EPB41: variants seen among roughly 807,000 people sequenced by gnomAD.
EPB41 encodes protein 4.1.
In EPB41, 65 loss-of-function variants were observed where a neutral mutation model predicts 108.0. The observed-to-expected ratio is 0.60, with a 90% CI of 0.49 to 0.74. The LOEUF (loss-of-function observed/expected upper bound fraction) is 0.74, where lower values mean the gene tolerates loss of function less well. Among genes scored for constraint, EPB41 ranks in the 30% least tolerant of loss-of-function variants. EPB41 has a pLI of 0.00. For missense variants in EPB41, 875 were observed against 1,037.0 expected (o/e 0.84, Z 2.15); for synonymous variants, 336 against 358.9 (o/e 0.94, Z 0.72).
At chr1:28,896,203 GA>G (rs1362632732) in intron 1 of EPB41, among the ~76,000 whole-genome samples, 3 of 152,222 alleles carry the variant, frequency 2.0e-5, no homozygotes, top group Non-Finnish European at 2.9e-5. Flanking sequence ...GGCACATGGT[GA>G]GCATTCAACA....
intron 1 of EPB41, among the ~76,000 whole-genome samples, chr1:28,897,245 G>A (rs945208123): frequency 1.6e-4 from 24 of 151,998 alleles, no homozygotes; most frequent in African/African-American, 5.6e-4. Flanking sequence ...GTGTTACTGA[G>A]TGTCTGTGCC....
intron 12 of EPB41, among the ~76,000 whole-genome samples, chr1:29,058,363 T>C (rs1240424424): frequency 6.6e-6 from 1 of 152,194 alleles, no homozygotes; most frequent in Non-Finnish European, 1.5e-5. Flanking sequence ...TTTGATAATT[T>C]GGATATCCAT....
At chr1:28,968,210 A>G (rs1168668954) in intron 1 of EPB41, among the ~76,000 whole-genome samples, 1 of 151,810 alleles carries the variant, frequency 6.6e-6, no homozygotes, top group Non-Finnish European at 1.5e-5. Context: ...TGCAAAAATT[A>G]CCTGGGTGTG....
intron 1 of EPB41, among the ~76,000 whole-genome samples, chr1:28,908,889 C>T (rs937247590): frequency 2.0e-5 from 3 of 151,220 alleles, no homozygotes; most frequent in Admixed American, 6.6e-5. Context: ...TAGGCTGAGC[C>T]TGGTGGCTCA....
intron 16 of EPB41, among the ~76,000 whole-genome samples, chr1:29,086,349 C>T (rs1450386275): frequency 6.6e-6 from 1 of 150,720 alleles, no homozygotes; most frequent in Non-Finnish European, 1.5e-5. Context: ...TCTCGGCTCA[C>T]TGCAACCTCC....
chr1:29,088,782 T>C (rs1660172471), intron 16 of EPB41, among the ~76,000 whole-genome samples: 1 of 152,050 alleles, frequency 6.6e-6, no homozygotes, highest in Admixed American at 6.6e-5. Flanking sequence ...AAAGTTAAAG[T>C]CGGGTTTGCT....
chr1:29,014,683 A>G (rs555915696), intron 5 of EPB41, among the ~76,000 whole-genome samples: 1 of 152,268 alleles, frequency 6.6e-6, no homozygotes, highest in South Asian at 2.1e-4. Context: ...CTCCCTTCTC[A>G]GTCTTCAAAG....
At chr1:28,915,978 G>T (rs1373413509) in intron 1 of EPB41, among the ~76,000 whole-genome samples, 1 of 151,978 alleles carries the variant, frequency 6.6e-6, no homozygotes. Flanking sequence ...TATATAGCCC[G>T]TATATGTTTC....
In EPB41 at chr1:29,117,527, T is replaced by G. The variant is rs1671208519; in HGVS notation, c.*715T>G. 2 of 152,666 alleles carry G rather than the reference T, an allele frequency of 1.3e-5. No individual in the cohort carries two copies. The highest frequency in any genetic ancestry group is 2.4e-5 in the African/African-American group (1 of 41,468). 9.5% of individuals were successfully genotyped at this position (152,666 alleles called of 1,614,324 possible). On this transcript the variant is annotated 3_prime_UTR_variant, in exon 21 of 21. Coordinates refer to ENST00000343067, the MANE Select transcript of EPB41 (RefSeq NM_001376013.1). ...TCAGATATCTGATACTGTGAATGTTTGAACATATCCGTGGCCTTCACCTCT... is the reference window on the plus strand; with the variant it reads ...TCAGATATCTGATACTGTGAATGTTGGAACATATCCGTGGCCTTCACCTCT...
intron 16 of EPB41, among the ~76,000 whole-genome samples, chr1:29,087,834 CA>C (rs1659720936): frequency 6.6e-6 from 1 of 152,002 alleles, no homozygotes. Flanking sequence ...TTCCCCAAAA[CA>C]AAGAAAATAC....
At chr1:28,898,248 G>T (rs765509138) in intron 1 of EPB41, among the ~76,000 whole-genome samples, 5 of 152,030 alleles carry the variant, frequency 3.3e-5, no homozygotes, top group Non-Finnish European at 7.4e-5. Context: ...TGCCTGTTCT[G>T]CTCAGAGAGA....
At chr1:28,907,225 C>T (rs111596377) in intron 1 of EPB41, among the ~76,000 whole-genome samples, 16,318 of 151,764 alleles carry the variant, frequency 0.11, 1,172 homozygotes, top group East Asian at 0.37. Flanking sequence ...CGACCACACC[C>T]GGCTGATATT....
At chr1:28,996,454 A>G (rs889764855) in intron 3 of EPB41, among the ~76,000 whole-genome samples, 5 of 152,206 alleles carry the variant, frequency 3.3e-5, no homozygotes, top group Non-Finnish European at 5.9e-5. Context: ...TTGGTCTGAA[A>G]ATGATAGAGT....
intron 1 of EPB41, among the ~76,000 whole-genome samples, chr1:28,896,011 G>A (rs961838928): frequency 2.0e-5 from 3 of 152,164 alleles, no homozygotes; most frequent in Admixed American, 1.3e-4. Flanking sequence ...GGAGAAGGCT[G>A]GACAGCTTGG....
rs190860861 is a variant in EPB41 at position 28,971,143 on chromosome 1, C to T, written c.-7-16288C>T. On this transcript the variant is annotated intron_variant, in intron 1 of 20. Coordinates refer to ENST00000343067, the MANE Select transcript of EPB41 (RefSeq NM_001376013.1). Reference sequence around the variant, plus strand: ...AATTACAGGCATGAGCCACCACACCCGGCCGCATTTAATCTTTTTTTTTTC... The same window carrying T: ...AATTACAGGCATGAGCCACCACACCTGGCCGCATTTAATCTTTTTTTTTTC... 7.3e-5 allele frequency among the ~76,000 whole-genome samples: 11 copies of T among 150,184 alleles called. No homozygotes were observed. The South Asian group carries it at 8.5e-4, about 12-fold the overall frequency.
intron 1 of EPB41, among the ~76,000 whole-genome samples, chr1:28,937,731 T>G (rs1329424570): frequency 6.6e-6 from 1 of 152,184 alleles, no homozygotes; most frequent in Admixed American, 6.5e-5. Flanking sequence ...ATAAAAAAAT[T>G]TTTGGTTGTT....
At chr1:28,938,004 G>C (rs529381300) in intron 1 of EPB41, among the ~76,000 whole-genome samples, 1 of 152,250 alleles carries the variant, frequency 6.6e-6, no homozygotes, top group African/African-American at 2.4e-5. Flanking sequence ...CAACCAACTG[G>C]ATATAGATGT....
intron 1 of EPB41, among the ~76,000 whole-genome samples, chr1:28,956,503 C>T (rs1395124942): frequency 1.3e-5 from 2 of 152,206 alleles, no homozygotes; most frequent in Non-Finnish European, 2.9e-5. Context: ...AGAACATTTT[C>T]TTGAAACTAG....
intron 1 of EPB41, among the ~76,000 whole-genome samples, chr1:28,951,333 C>A: frequency 6.7e-6 from 1 of 150,352 alleles, no homozygotes; most frequent in East Asian, 2.0e-4. Flanking sequence ...AAAAACAACC[C>A]CAACTCTTAC....
Sources: gnomAD v4.1 joint callset for allele counts (sites outside exome capture counted in the v4.1 genomes callset) on GRCh38, gnomAD v4.1.1 for gene constraint, MANE v1.5 for transcripts, NCBI Gene and HGNC (gene_info 2026-07-23, HGNC 2026-07-21) for gene names.